HS1BP3: variants seen among roughly 807,000 people sequenced by gnomAD.
HS1BP3 encodes the protein HCLS1 binding protein 3, also known as HCLS1-binding protein 3.
A neutral mutation model predicts 33.5 loss-of-function variants in HS1BP3; 32 were observed. The ratio of observed to expected loss-of-function variants is 0.95; its 90% CI spans 0.72 to 1.28. HS1BP3 has a LOEUF of 1.28. Ranked by LOEUF, HS1BP3 falls within the 50% of genes most tolerant of loss-of-function variation. HS1BP3 has a pLI of 0.00. For synonymous variants in HS1BP3, 187 were observed against 209.2 expected (o/e 0.89, Z 0.92); for missense variants, 486 against 502.3 (o/e 0.97, Z 0.31).
At chr2:20,588,359 T>C (rs577158116), downstream of HS1BP3, among the ~76,000 whole-genome samples, 2 of 152,182 alleles carry the variant, frequency 1.3e-5, no homozygotes, top group South Asian at 2.1e-4. Context: ...CTCTGTTGCT[T>C]AGGCTGGATT....
At position 20,605,489 on chromosome 2, in the gene HS1BP3, AT is replaced by A. The variant is rs1260320309; in HGVS notation, c.179-7225del. Among the ~76,000 whole-genome samples the A allele has an allele frequency of 2.0e-5, 3 of 152,292 alleles. No individual in the cohort carries two copies. The South Asian group carries it at 6.2e-4, about 32-fold the overall frequency. On this transcript the variant is annotated intron_variant, in intron 2 of 3. Coordinates refer to the HS1BP3 transcript ENST00000415264. Reference sequence around the variant, plus strand: ...CATTTTAACCATTTTAAAGGGTACAATTCAGTGGTGTTTAGTATATTTACAA... The same window carrying A: ...CATTTTAACCATTTTAAAGGGTACAATCAGTGGTGTTTAGTATATTTACAA...
chr2:20,599,473 T>C (rs368838799), intron 2 of HS1BP3, among the ~76,000 whole-genome samples: 4 of 152,180 alleles, frequency 2.6e-5, no homozygotes, highest in Non-Finnish European at 1.5e-5. Context: ...TAAAATCAGA[T>C]TTGGATACAC....
chr2:20,568,777 G>A (rs1223126833), intron 5 of HS1BP3, among the ~76,000 whole-genome samples: 1 of 152,062 alleles, frequency 6.6e-6, no homozygotes, highest in East Asian at 1.9e-4. Context: ...AAGACATAGT[G>A]CTTATCTCGA....
intron 5 of HS1BP3, 41 bp from the exon 6 acceptor site, chr2:20,624,072 A>T: frequency 6.2e-7 from 1 of 1,601,400 alleles, no homozygotes; most frequent in Non-Finnish European, 8.5e-7. Context: ...GGAAGCCTCT[A>T]GGCTGGGATG....
rs530977528 is a variant in HS1BP3 at position 20,564,615 on chromosome 2, CTG to C, written c.303-4102_303-4101del. On this transcript the variant is annotated intron_variant, in intron 5 of 5. Coordinates refer to the HS1BP3 transcript ENST00000446825. ...TCTCATGCCTTAGCCACCCGAATAACTGGGACTACCAGCATGTACCACCATGC... is the reference window on the plus strand; with the variant it reads ...TCTCATGCCTTAGCCACCCGAATAACGGACTACCAGCATGTACCACCATGC... 1.7e-3 allele frequency among the ~76,000 whole-genome samples: 266 copies of C among 152,246 alleles called. 2 individuals are homozygous for C. Among genetic ancestry groups the C allele is most frequent in the Non-Finnish European group, 1.9e-3 (132 of 68,022 alleles).
In HS1BP3 at chr2:20,618,742, G is replaced by T. The variant is rs571888235; in HGVS notation, c.*245C>A. The T allele has an allele frequency of 9.3e-6, 12 of 1,294,978 alleles. No homozygotes were observed. The highest frequency in any genetic ancestry group is 1.2e-5 in the Non-Finnish European group (12 of 1,022,128). The allele number at this position is 1,294,978 out of a possible 1,614,324, so 80.2% of individuals were successfully genotyped here. A position where few individuals can be genotyped will look rare whatever the true frequency, so the allele number is the denominator to read the frequency against. ...CACCCTCCCTCCCCTTCATGTCCAC[G>T]GGGAATAAGACACATTGGGCTCTGG... On this transcript the variant is annotated 3_prime_UTR_variant, in exon 7 of 7. Coordinates refer to ENST00000304031, the MANE Select transcript of HS1BP3 (RefSeq NM_022460.4).
At chr2:20,582,755 T>G (rs566622171) in intron 5 of HS1BP3, among the ~76,000 whole-genome samples, 2 of 152,250 alleles carry the variant, frequency 1.3e-5, no homozygotes, top group South Asian at 4.1e-4. Context: ...GGGGCAGACG[T>G]GACCTCAGCT....
chr2:20,565,357 T>C (rs949291176), intron 5 of HS1BP3, among the ~76,000 whole-genome samples: 4 of 152,192 alleles, frequency 2.6e-5, no homozygotes, highest in African/African-American at 7.2e-5. Context: ...GGCACTTCCA[T>C]GGCCCCTGCT....
chr2:20,640,455 G>A (rs1695303197), intron 3 of HS1BP3: 3 of 268,828 alleles, frequency 1.1e-5, no homozygotes, highest in South Asian at 3.0e-4. Flanking sequence ...ACCACTGGGG[G>A]CAGGGGTGCT....
chr2:20,644,607 T>C (rs1695460515), intron 2 of HS1BP3, among the ~76,000 whole-genome samples: 1 of 152,214 alleles, frequency 6.6e-6, no homozygotes, highest in African/African-American at 2.4e-5. Context: ...GTAAACATTT[T>C]CAACTCTCCC....
intron 3 of HS1BP3, chr2:20,640,728 C>A: frequency 1.6e-6 from 1 of 606,796 alleles, no homozygotes; most frequent in South Asian, 2.1e-5. Context: ...TGGATGGGGT[C>A]ACACTATGGA....
At chr2:20,574,881 T>G (rs1693363041) in intron 5 of HS1BP3, among the ~76,000 whole-genome samples, 1 of 152,218 alleles carries the variant, frequency 6.6e-6, no homozygotes. Context: ...AGCATGGTTA[T>G]CTACTAACCG....
At chr2:20,649,940 G>A (rs562026060) in intron 1 of HS1BP3, among the ~76,000 whole-genome samples, 25 of 152,228 alleles carry the variant, frequency 1.6e-4, no homozygotes, top group African/African-American at 5.3e-4. Context: ...ATGGCTGAGG[G>A]GCATATACTA....
intron 4 of HS1BP3, among the ~76,000 whole-genome samples, chr2:20,627,664 C>T (rs1300686631): frequency 2.0e-5 from 3 of 152,166 alleles, no homozygotes; most frequent in Admixed American, 6.5e-5. Flanking sequence ...CGGGCGGCTC[C>T]AGCAGGCATG....
At chr2:20,565,616 C>A (rs1693106619) in intron 5 of HS1BP3, among the ~76,000 whole-genome samples, 1 of 152,256 alleles carries the variant, frequency 6.6e-6, no homozygotes, top group African/African-American at 2.4e-5. Flanking sequence ...GCCAACCCCA[C>A]CCCGTGGGAC....
chr2:20,555,006 T>C, the HS1BP3 span, among the ~76,000 whole-genome samples: 1 of 152,186 alleles, frequency 6.6e-6, no homozygotes, highest in East Asian at 1.9e-4. Context: ...TTGACTTTCC[T>C]GTGCATTCAC....
intron 6 of HS1BP3, chr2:20,622,165 G>C: frequency 7.8e-7 from 1 of 1,281,214 alleles, no homozygotes; most frequent in Non-Finnish European, 1.0e-6. Context: ...TGAACGAAGG[G>C]GTGAAAGCAT....
At chr2:20,579,211 T>G (rs1272333120) in intron 5 of HS1BP3, among the ~76,000 whole-genome samples, 1 of 152,228 alleles carries the variant, frequency 6.6e-6, no homozygotes, top group African/African-American at 2.4e-5. Context: ...CTGGGTTCCA[T>G]GAGCACAGGA....
chr2:20,637,871 T>C (rs1695189190), intron 4 of HS1BP3: 2 of 156,384 alleles, frequency 1.3e-5, no homozygotes, highest in African/African-American at 2.4e-5. Context: ...GATTGCTAAA[T>C]TTACATAACT....
Sources: gnomAD v4.1 joint callset for allele counts (sites outside exome capture counted in the v4.1 genomes callset) on GRCh38, gnomAD v4.1.1 for gene constraint, MANE v1.5 for transcripts, NCBI Gene and HGNC (gene_info 2026-07-23, HGNC 2026-07-21) for gene names.